The following POU2F3 variants were observed in gnomAD, a reference collection of about 807,000 sequenced individuals.
POU2F3 encodes the protein POU domain, class 2, transcription factor 3.
In POU2F3, 23 loss-of-function variants were observed where a neutral mutation model predicts 59.2. The observed-to-expected ratio is 0.39, with a 90% confidence interval of 0.28 to 0.55. The LOEUF is 0.55. Among genes scored for constraint, POU2F3 ranks in the 20% least tolerant of loss-of-function variants. The probability of loss-of-function intolerance (pLI) is 0.66; values close to 1 mark genes in which losing one functional copy is unlikely to be tolerated. For missense variants in POU2F3, 473 were observed against 544.5 expected (o/e 0.87, Z 1.31); for synonymous variants, 190 against 214.6 (o/e 0.89, Z 1.00).
chr11:120,245,923 A>G (rs1034015247), intron 1 of POU2F3, among the ~76,000 whole-genome samples: 2 of 152,172 alleles, frequency 1.3e-5, no homozygotes, highest in Non-Finnish European at 2.9e-5. Flanking sequence ...CTGAGACCAG[A>G]CAGAGAACCC....
intron 2 of POU2F3, among the ~76,000 whole-genome samples, chr11:120,253,177 G>A (rs80254203): frequency 4.6e-5 from 7 of 152,058 alleles, no homozygotes; most frequent in Admixed American, 3.3e-4. Context: ...CTTACCATGC[G>A]TACTCAACAG....
intron 1 of POU2F3, among the ~76,000 whole-genome samples, chr11:120,242,211 G>A (rs1200622048): frequency 4.6e-5 from 7 of 152,184 alleles, no homozygotes; most frequent in African/African-American, 1.7e-4. Flanking sequence ...CCCTTCAGTG[G>A]CACCTCCAGA....
At chr11:120,296,594 C>T (rs1371375051) in intron 3 of POU2F3, among the ~76,000 whole-genome samples, 1 of 152,076 alleles carries the variant, frequency 6.6e-6, no homozygotes, top group Non-Finnish European at 1.5e-5. Context: ...CGTGTTGTTC[C>T]CCTCTATGTA....
rs1940741172 is a variant in POU2F3, at chr11:120,285,354, C to T, written c.133-12911C>T. Among the ~76,000 whole-genome samples, 4 of 152,170 alleles carry T rather than the reference C, an allele frequency of 2.6e-5. No individual in the cohort carries two copies. Among genetic ancestry groups the T allele is most frequent in the African/African-American group, 4.8e-5 (2 of 41,410 alleles). Reference sequence around the variant, plus strand: ...GGACTGAGTGGGTTGAAATGCTAGACGCCATCACCTCTCTTGGTCACTCTG... The same window carrying T: ...GGACTGAGTGGGTTGAAATGCTAGATGCCATCACCTCTCTTGGTCACTCTG... On this transcript the variant is annotated intron_variant, in intron 3 of 12. Coordinates refer to ENST00000543440, the MANE Select transcript of POU2F3 (RefSeq NM_014352.4). The surrounding 1 kb of genome is among the most constrained non-coding windows in gnomAD (Gnocchi z 4.3).
intron 3 of POU2F3, among the ~76,000 whole-genome samples, chr11:120,273,628 A>C (rs1028078893): frequency 2.6e-5 from 4 of 152,174 alleles, no homozygotes; most frequent in African/African-American, 9.7e-5. Context: ...GTGGGTGAGA[A>C]GGGAAGGGAG....
chr11:120,305,926 G>A, intron 8 of POU2F3, 141 bp downstream of exon 8: 2 of 1,004,738 alleles, frequency 2.0e-6, no homozygotes, highest in Non-Finnish European at 2.8e-6. Flanking sequence ...GGAGAAACAA[G>A]ACACAGGACA....
chr11:120,315,253 G>T, intron 10 of POU2F3, 108 bp from the exon 11 acceptor site: 2 of 1,030,282 alleles, frequency 1.9e-6, no homozygotes, highest in Non-Finnish European at 3.0e-6. Flanking sequence ...CACCAAGGAA[G>T]CCAAGCCCTG....
intron 3 of POU2F3, among the ~76,000 whole-genome samples, chr11:120,293,331 C>G (rs1377031885): frequency 1.3e-5 from 2 of 152,182 alleles, no homozygotes; most frequent in African/African-American, 4.8e-5. Context: ...ATCCCCCAAG[C>G]AAAAATGCAG....
intron 2 of POU2F3, among the ~76,000 whole-genome samples, chr11:120,251,612 A>AG (rs35309007): frequency 6.6e-6 from 1 of 152,166 alleles, no homozygotes; most frequent in East Asian, 1.9e-4. Context: ...CCAGACATGG[A>AG]GGGGGTCCTG....
intron 10 of POU2F3, among the ~76,000 whole-genome samples, chr11:120,313,591 G>A (rs1292267489): frequency 6.6e-6 from 1 of 152,162 alleles, no homozygotes; most frequent in Non-Finnish European, 1.5e-5. Context: ...ATCAGTGTGG[G>A]CAGAATGCTA....
At chr11:120,265,424 C>G (rs1331386839) in intron 2 of POU2F3, 1 of 152,238 alleles carries the variant, frequency 6.6e-6, no homozygotes, top group South Asian at 2.1e-4. Context: ...GCACTCTAAT[C>G]CTGCCCTTCA....
upstream of POU2F3, chr11:120,236,809 A>G: frequency 1.3e-5 from 15 of 1,190,142 alleles, no homozygotes; most frequent in Non-Finnish European, 1.8e-5. Flanking sequence ...ATTCCCCCTC[A>G]ACCCTATACA....
intron 12 of POU2F3, among the ~76,000 whole-genome samples, chr11:120,317,778 G>T (rs1285128981): frequency 6.6e-6 from 1 of 152,244 alleles, no homozygotes. Flanking sequence ...AAAGGGGGAA[G>T]TGGTGCCAAT....
At chr11:120,283,772 C>CGTGTGTGTGTGTGTGTGTGT (rs36099803) in intron 3 of POU2F3, among the ~76,000 whole-genome samples, 1 of 130,354 alleles carries the variant, frequency 7.7e-6, no homozygotes, top group African/African-American at 2.9e-5. Flanking sequence ...TAATAGGCTT[C>CGTGTGTGTGTGTGTGTGTGT]GTGTGTGTGT....
At position 120,285,750 on chromosome 11, in the gene POU2F3, G is replaced by A. The variant is rs1165228794; in HGVS notation, c.133-12515G>A. On this transcript the variant is annotated intron_variant, in intron 3 of 12. Transcript: ENST00000543440. This position sits in a 1 kb window ranked among gnomAD's most constrained non-coding sequence, Gnocchi z 4.3. The stretch of plus-strand genomic sequence containing the variant: ...AAATTTTTGTGGCCTACACACATAT[G>A]TACAAATTATACCGTATATATTCTT... Among the ~76,000 whole-genome samples the A allele has an allele frequency of 2.6e-5, 4 of 152,120 alleles. No homozygotes were observed. The highest frequency in any genetic ancestry group is 5.9e-5 in the Non-Finnish European group (4 of 68,020).
chr11:120,271,331 G>C (rs192478432), intron 3 of POU2F3, among the ~76,000 whole-genome samples: 61 of 152,362 alleles, frequency 4.0e-4, no homozygotes, highest in African/African-American at 1.4e-3. Context: ...TGTGAGACAG[G>C]TTCTTACCTC....
intron 1 of POU2F3, among the ~76,000 whole-genome samples, chr11:120,242,754 C>T (rs1348061834): frequency 1.3e-5 from 2 of 152,168 alleles, no homozygotes; most frequent in African/African-American, 2.4e-5. Context: ...CTGCCTGGAG[C>T]CTTCGCACCT....
At chr11:120,259,578 C>T (rs1939506081) in intron 2 of POU2F3, among the ~76,000 whole-genome samples, 1 of 152,242 alleles carries the variant, frequency 6.6e-6, no homozygotes, top group East Asian at 1.9e-4. Flanking sequence ...CACAGTCCCT[C>T]ATGGGGCCTC....
At chr11:120,274,422 T>C (rs1399714672) in intron 3 of POU2F3, among the ~76,000 whole-genome samples, 1 of 152,182 alleles carries the variant, frequency 6.6e-6, no homozygotes, top group Non-Finnish European at 1.5e-5. Flanking sequence ...GAGACCCAGC[T>C]TTAAGAGATA....
Sources: gnomAD v4.1 joint callset for allele counts (sites outside exome capture counted in the v4.1 genomes callset) on GRCh38, gnomAD v4.1.1 for gene constraint, Gnocchi (gnomAD v3.1) non-coding constraint, MANE v1.5 for transcripts, NCBI Gene and HGNC (gene_info 2026-07-23, HGNC 2026-07-21) for gene names.